The following ENY2 variants were observed in gnomAD, a reference collection of about 807,000 sequenced individuals.
ENY2 encodes transcription and mRNA export factor ENY2.
In ENY2, 4 loss-of-function variants were observed where a neutral mutation model predicts 15.9. The ratio of observed to expected loss-of-function variants is 0.25; its 90% CI spans 0.12 to 0.57. The LOEUF (loss-of-function observed/expected upper bound fraction) is 0.57, where lower values mean the gene tolerates loss of function less well. ENY2 is among the 20% of genes least tolerant of loss of function. The pLI, the probability that ENY2 is intolerant of heterozygous loss-of-function variation, is 0.91. For missense variants in ENY2, 54 were observed against 117.2 expected (o/e 0.46, Z 2.49); for synonymous variants, 48 against 38.0 (o/e 1.26, Z -0.97).
At chr8:109,337,257 A>G (rs73700859) in intron 2 of ENY2, among the ~76,000 whole-genome samples, 62 of 152,224 alleles carry the variant, frequency 4.1e-4, no homozygotes, top group African/African-American at 1.4e-3. Flanking sequence ...AATAAAATGT[A>G]GAAACAGCAA....
chr8:109,341,185 A>C (rs1027486891), intron 4 of ENY2, among the ~76,000 whole-genome samples: 2 of 152,180 alleles, frequency 1.3e-5, no homozygotes, highest in African/African-American at 2.4e-5. Flanking sequence ...CTTAGATATA[A>C]CTACATTATT....
chr8:109,343,312 T>G (rs1816162264), intron 4 of ENY2, 93 bp from the exon 5 acceptor site: 12 of 916,954 alleles, frequency 1.3e-5, no homozygotes, highest in Non-Finnish European at 2.0e-5. Flanking sequence ...ATGAAATTCT[T>G]ATGTTGTTTA....
At chr8:109,342,163 CCTT>C (rs1563693043) in intron 4 of ENY2, among the ~76,000 whole-genome samples, 2 of 148,964 alleles carry the variant, frequency 1.3e-5, no homozygotes, top group Non-Finnish European at 1.5e-5. Context: ...TTAACCCCCC[CCTT>C]TTTTTTTTTT....
At chr8:109,335,001 C>G (rs1815929701) in intron 1 of ENY2, 1 of 152,720 alleles carries the variant, frequency 6.5e-6, no homozygotes, top group African/African-American at 2.4e-5. Context: ...TTTCAATAGG[C>G]CAGATGGAAG....
chr8:109,339,216 C>A (rs1271542548), intron 2 of ENY2, 104 bp from the exon 3 acceptor site: 4 of 1,007,776 alleles, frequency 4.0e-6, no homozygotes, highest in Non-Finnish European at 6.0e-6. Context: ...AGTTTTGTAA[C>A]TGGAAGGCAG....
intron 4 of ENY2, among the ~76,000 whole-genome samples, chr8:109,340,983 A>T (rs1359955023): frequency 2.6e-5 from 4 of 152,140 alleles, no homozygotes; most frequent in Admixed American, 2.6e-4. Flanking sequence ...TCTGTCTTAA[A>T]TGTCTACTTA....
At position 109,334,399 on chromosome 8, in the gene ENY2, T is replaced by G. The variant is rs1815903868; in HGVS notation, c.-70T>G. 6.2e-7 allele frequency: 1 copy of G among 1,609,976 alleles called. No individual in the cohort carries two copies. Among genetic ancestry groups the G allele is most frequent in the South Asian group, 1.1e-5 (1 of 90,590 alleles). On this transcript the variant is annotated 5_prime_UTR_variant, in exon 1 of 5. Coordinates refer to ENST00000521688, the MANE Select transcript of ENY2 (RefSeq NM_020189.6). ...GGTCTAAGTCCGGGCAGCCGAAGAG[T>G]GTGGTAGGTAACGGTCCTCAGCGCA...
chr8:109,343,299 T>C, intron 4 of ENY2, 106 bp from the exon 5 acceptor site: 1 of 778,466 alleles, frequency 1.3e-6, no homozygotes, highest in Non-Finnish European at 2.0e-6. Flanking sequence ...ATGAGGGTTA[T>C]TTATGAAATT....
At chr8:109,340,390 C>G (rs974809858) in intron 3 of ENY2, 99 bp from the exon 4 acceptor site, 1 of 1,538,306 alleles carries the variant, frequency 6.5e-7, no homozygotes, top group African/African-American at 1.4e-5. Context: ...AAAAACCAGT[C>G]TACACTCTAA....
intron 2 of ENY2, among the ~76,000 whole-genome samples, chr8:109,336,797 A>G (rs1169714580): frequency 6.6e-6 from 1 of 152,192 alleles, no homozygotes; most frequent in Non-Finnish European, 1.5e-5. Context: ...CCCAGCATCT[A>G]ATGCTTTGTT....
Position 109,345,460 on chromosome 8 carries a change from CTTAA to C in ENY2, c.*1983_*1986del, listed in dbSNP as rs531909509. ...AAGTGTAGTCTTTGAACCAGCTGGG[CTTAA>C]TTATGTAAAGTTTTGAGCCTGAGAT... is the stretch of plus-strand genomic sequence containing the variant. On this transcript the variant is annotated 3_prime_UTR_variant, in exon 5 of 5. Transcript: ENST00000521688. 2.0e-4 allele frequency: 31 copies of C among 152,210 alleles called. No individual in the cohort carries two copies. The South Asian group carries it at 6.2e-3, about 31-fold the overall frequency. The allele number at this position is 152,210 out of a possible 1,614,324, so 9.4% of individuals were successfully genotyped here.
intron 2 of ENY2, chr8:109,336,425 A>G (rs922429229): frequency 2.2e-6 from 1 of 459,314 alleles, no homozygotes; most frequent in Non-Finnish European, 3.9e-6. Flanking sequence ...ATGGCTCTTA[A>G]AGAGTAATTT....
At chr8:109,338,523 A>T (rs577908331) in intron 2 of ENY2, 1 of 152,214 alleles carries the variant, frequency 6.6e-6, no homozygotes, top group Non-Finnish European at 1.5e-5. Flanking sequence ...CACATAGTGG[A>T]TGTCTAGGGA....
At chr8:109,341,797 A>T (rs564844827) in intron 4 of ENY2, among the ~76,000 whole-genome samples, 75 of 152,280 alleles carry the variant, frequency 4.9e-4, no homozygotes, top group Non-Finnish European at 8.4e-4. Context: ...CTTTATACAT[A>T]TGTATAGGTT....
At chr8:109,335,153 G>C (rs1452475073) in intron 1 of ENY2, 1 of 152,118 alleles carries the variant, frequency 6.6e-6, no homozygotes, top group East Asian at 1.9e-4. Context: ...ATTTTGGTTT[G>C]GGTTGTCTGT....
At chr8:109,342,064 G>A (rs1178200254) in intron 4 of ENY2, among the ~76,000 whole-genome samples, 1 of 151,760 alleles carries the variant, frequency 6.6e-6, no homozygotes, top group Non-Finnish European at 1.5e-5. Flanking sequence ...TGGCTTATTT[G>A]ATTTGTATAA....
At chr8:109,339,948 AT>A (rs1816079877) in intron 3 of ENY2, among the ~76,000 whole-genome samples, 1 of 152,214 alleles carries the variant, frequency 6.6e-6, no homozygotes, top group Non-Finnish European at 1.5e-5. Flanking sequence ...ACAAATAAAA[AT>A]AAACTATATG....
intron 2 of ENY2, among the ~76,000 whole-genome samples, chr8:109,337,841 G>A (rs1325764205): frequency 1.3e-5 from 2 of 152,104 alleles, no homozygotes; most frequent in Non-Finnish European, 2.9e-5. Context: ...GGAGGTTGCG[G>A]TGAGCTGAGA....
At chr8:109,336,237 T>C (rs1815982549) in intron 2 of ENY2, 33 bp downstream of exon 2, 1 of 1,537,086 alleles carries the variant, frequency 6.5e-7, no homozygotes, top group Middle Eastern at 1.7e-4. Flanking sequence ...AAATTACATT[T>C]CACCGCCTTT....
Sources: allele counts gnomAD v4.1 joint callset (sites outside exome capture counted in the v4.1 genomes callset), GRCh38; gene constraint gnomAD v4.1.1; transcripts MANE v1.5; gene names NCBI Gene and HGNC (gene_info 2026-07-23, HGNC 2026-07-21).